Variants in TMEM232 observed in about 807,000 individuals in gnomAD.
The protein encoded by TMEM232 is transmembrane protein 232.
Under a neutral mutation model 78.8 loss-of-function variants are expected in TMEM232, and 80 were observed. The observed-to-expected ratio is 1.01, with a 90% CI of 0.85 to 1.22. TMEM232 has a LOEUF of 1.22. Ranked by LOEUF, TMEM232 falls within the 50% of genes most tolerant of loss-of-function variation. The pLI, the probability that TMEM232 is intolerant of heterozygous loss-of-function variation, is 0.00. For synonymous variants in TMEM232, 297 were observed against 254.3 expected (o/e 1.17, Z -1.60); for missense variants, 881 against 742.2 (o/e 1.19, Z -2.17).
intron 12 of TMEM232, among the ~76,000 whole-genome samples, chr5:110,445,436 C>G (rs1759540719): frequency 6.6e-6 from 1 of 152,074 alleles, no homozygotes; most frequent in African/African-American, 2.4e-5. Flanking sequence ...TGCTCTTTTT[C>G]TCAGTTATTT....
intron 10 of TMEM232, among the ~76,000 whole-genome samples, chr5:110,573,395 T>C (rs1278519648): frequency 6.6e-6 from 1 of 152,034 alleles, no homozygotes. Flanking sequence ...AAAACACTGA[T>C]GTTATGCAAT....
intron 1 of TMEM232, among the ~76,000 whole-genome samples, chr5:110,702,371 C>T (rs1248962241): frequency 1.3e-5 from 2 of 151,792 alleles, no homozygotes; most frequent in African/African-American, 4.8e-5. Flanking sequence ...TGTCTGAGGG[C>T]CACTTTAGCC....
At chr5:110,496,321 G>T (rs1003056323) in intron 12 of TMEM232, among the ~76,000 whole-genome samples, 5 of 151,854 alleles carry the variant, frequency 3.3e-5, no homozygotes, top group Non-Finnish European at 7.4e-5. Context: ...CAAGCTCCTT[G>T]CATAGAAGCT....
chr5:110,516,410 A>G (rs1041868004), intron 12 of TMEM232, among the ~76,000 whole-genome samples: 1 of 152,188 alleles, frequency 6.6e-6, no homozygotes, highest in Admixed American at 6.5e-5. Context: ...GTAACAAAGT[A>G]TAGATGTGGG....
intron 10 of TMEM232, among the ~76,000 whole-genome samples, chr5:110,579,498 G>A (rs1163634307): frequency 6.6e-6 from 1 of 151,670 alleles, no homozygotes; most frequent in African/African-American, 2.4e-5. Context: ...TTAAAAATAT[G>A]TTAATGTATA....
At chr5:110,446,170 T>C (rs1759626578) in intron 12 of TMEM232, among the ~76,000 whole-genome samples, 2 of 152,116 alleles carry the variant, frequency 1.3e-5, no homozygotes, top group Admixed American at 1.3e-4. Context: ...CTGGGATGTG[T>C]CACTGGCCTC....
chr5:110,694,828 C>T (rs534436662), intron 1 of TMEM232, among the ~76,000 whole-genome samples: 12 of 152,114 alleles, frequency 7.9e-5, no homozygotes, highest in Admixed American at 2.6e-4. Context: ...TACAAAGAGA[C>T]TTAGACTCCG....
chr5:110,502,048 T>C (rs1197370193), intron 12 of TMEM232, among the ~76,000 whole-genome samples: 5 of 151,980 alleles, frequency 3.3e-5, no homozygotes, highest in Non-Finnish European at 5.9e-5. Flanking sequence ...TTTCTAAGTG[T>C]TTCTGTCTGT....
intron 12 of TMEM232, among the ~76,000 whole-genome samples, chr5:110,496,543 C>A (rs539248307): frequency 2.6e-5 from 4 of 151,948 alleles, no homozygotes; most frequent in Admixed American, 6.6e-5. Context: ...TATAGCAATG[C>A]TATAATTTTC....
chr5:110,565,129 T>C (rs1164974925), intron 11 of TMEM232, among the ~76,000 whole-genome samples: 1 of 151,990 alleles, frequency 6.6e-6, no homozygotes, highest in African/African-American at 2.4e-5. Context: ...GAATTTTTTC[T>C]ATTAAAAGCA....
intron 12 of TMEM232, among the ~76,000 whole-genome samples, chr5:110,446,263 A>G (rs1040166843): frequency 6.6e-6 from 1 of 152,172 alleles, no homozygotes. Flanking sequence ...AGTGTTCCAT[A>G]TGAAGTCTTT....
intron 2 of TMEM232, among the ~76,000 whole-genome samples, chr5:110,407,616 G>A (rs1004295310): frequency 5.3e-5 from 8 of 152,246 alleles, no homozygotes; most frequent in African/African-American, 1.7e-4. Flanking sequence ...GTTACAGGCA[G>A]ATCATCCAGA....
chr5:110,454,165 A>G (rs1760627025), intron 12 of TMEM232, among the ~76,000 whole-genome samples: 1 of 152,214 alleles, frequency 6.6e-6, no homozygotes, highest in Non-Finnish European at 1.5e-5. Flanking sequence ...TTATGTAATT[A>G]ACATGTATAG....
rs1756452186 is a variant in TMEM232 at position 110,419,632 on chromosome 5, A to C, written c.*948T>G. Among the ~76,000 whole-genome samples the C allele has an allele frequency of 6.6e-6, 1 of 152,140 alleles. No individual in the cohort carries two copies. The highest frequency in any genetic ancestry group is 6.5e-5 in the Admixed American group (1 of 15,268). On this transcript the variant is annotated 3_prime_UTR_variant, in exon 14 of 14. Transcript: ENST00000455884. ...GGAAATTTCTCTATATGGGATAGGT[A>C]TTCCTTAGCCGGCTTCACTAATTTA...
intron 10 of TMEM232, among the ~76,000 whole-genome samples, chr5:110,571,098 C>G (rs934008139): frequency 1.3e-5 from 2 of 152,020 alleles, no homozygotes; most frequent in African/African-American, 4.8e-5. Context: ...ATTAGGAATC[C>G]TTCTCTGAAT....
rs1243375454 is a variant in TMEM232, at chr5:110,691,156, A to AG, written c.-12-23793_-12-23792insC. Among the ~76,000 whole-genome samples the AG allele has an allele frequency of 9.7e-4, 147 of 151,620 alleles. 1 individual carries two copies. Among genetic ancestry groups the AG allele is most frequent in the South Asian group, 2.1e-3 (10 of 4,786 alleles). ...ACTTAAAGTATAAGGAAAAAAAAAA[A>AG]AAAGAAAGAAAGGAAGCTTTGGACA... On this transcript the variant is annotated intron_variant, in intron 1 of 13. Coordinates refer to ENST00000455884, the MANE Select transcript of TMEM232 (RefSeq NM_001039763.4).
intron 12 of TMEM232, among the ~76,000 whole-genome samples, chr5:110,447,596 T>C (rs1292149558): frequency 6.6e-6 from 1 of 152,058 alleles, no homozygotes; most frequent in Non-Finnish European, 1.5e-5. Context: ...AAATAAACTT[T>C]TAAAAATTAT....
upstream of TMEM232, among the ~76,000 whole-genome samples, chr5:110,731,642 C>T (rs1233790532): frequency 6.6e-6 from 1 of 152,234 alleles, no homozygotes; most frequent in Non-Finnish European, 1.5e-5. Context: ...CCCCTTTCAG[C>T]CATGGCCGGA....
At chr5:110,514,482 G>A (rs1768300328) in intron 12 of TMEM232, among the ~76,000 whole-genome samples, 1 of 151,910 alleles carries the variant, frequency 6.6e-6, no homozygotes, top group South Asian at 2.1e-4. Context: ...ACATGTCCAG[G>A]CTCTTTATCT....
Sources: allele counts gnomAD v4.1 joint callset (sites outside exome capture counted in the v4.1 genomes callset), GRCh38; gene constraint gnomAD v4.1.1; transcripts MANE v1.5; gene names NCBI Gene and HGNC (gene_info 2026-07-23, HGNC 2026-07-21).